Variants in RAB30 observed in about 807,000 individuals in gnomAD.
RAB30 encodes RAB30, member RAS oncogene family, also known as ras-related protein Rab-30.
Under a neutral mutation model 25.1 loss-of-function variants are expected in RAB30, and 9 were observed. That is an observed-to-expected ratio of 0.36 (90% CI 0.22 to 0.63). RAB30 has a LOEUF of 0.63. Among genes scored for constraint, RAB30 ranks in the 20% least tolerant of loss-of-function variants. The pLI is 0.69. For missense variants in RAB30, 140 were observed against 243.5 expected (o/e 0.58, Z 2.83); for synonymous variants, 77 against 86.4 (o/e 0.89, Z 0.60).
Position 83,065,093 on chromosome 11 carries a change from AT to A in RAB30, c.-9+6597del, listed in dbSNP as rs1001913073. Among the ~76,000 whole-genome samples, 20 of 149,794 alleles carry A rather than the reference AT, an allele frequency of 1.3e-4. No individual in the cohort carries two copies. The East Asian group carries it at 2.3e-3, about 18-fold the overall frequency. ...TGTCTGATTATTTATTTATGGTTAG[AT>A]TTTTTTTTTCTTTTAATAGAGACAA... On this transcript the variant is annotated intron_variant, in intron 1 of 4. Transcript: ENST00000527633.
At chr11:82,991,768 G>A (rs1197532485) in intron 3 of RAB30, among the ~76,000 whole-genome samples, 1 of 152,200 alleles carries the variant, frequency 6.6e-6, no homozygotes, top group African/African-American at 2.4e-5. Context: ...GCCTGAAGAA[G>A]TACTGGGGAT....
At chr11:83,013,822 C>T (rs1295641287) in intron 1 of RAB30, among the ~76,000 whole-genome samples, 2 of 152,108 alleles carry the variant, frequency 1.3e-5, no homozygotes, top group African/African-American at 2.4e-5. Flanking sequence ...CTACAATAAG[C>T]CAGATACTTA....
In RAB30 at chr11:82,979,024, C is replaced by T. The variant is rs1365183161; in HGVS notation, c.*3141G>A. 6.6e-6 allele frequency: 1 copy of T among 151,888 alleles called. No individual in the cohort carries two copies. The highest frequency in any genetic ancestry group is 1.5e-5 in the Non-Finnish European group (1 of 67,954). The allele number at this position is 151,888 out of a possible 1,614,324, so 9.4% of individuals were successfully genotyped here. ...GAACCCATGGCCTAATCTAAGTAAT[C>T]CATCAAAAAAGATAATTGGCCCTGT... On this transcript the variant is annotated 3_prime_UTR_variant, in exon 5 of 5. Transcript: ENST00000527633.
At chr11:83,033,467 A>T (rs182891923) in intron 1 of RAB30, among the ~76,000 whole-genome samples, 1 of 152,298 alleles carries the variant, frequency 6.6e-6, no homozygotes, top group East Asian at 1.9e-4. Flanking sequence ...TGACAGGTCA[A>T]ATTTAGGCCA....
At position 83,014,690 on chromosome 11, in the gene RAB30, GAAA is replaced by G. The variant is rs1565277241; in HGVS notation, c.-8-17369_-8-17367del. Among the ~76,000 whole-genome samples, 536 of 135,090 alleles carry G rather than the reference GAAA, an allele frequency of 4.0e-3. 5 individuals carry two copies. The highest frequency in any genetic ancestry group is 0.014 in the African/African-American group (509 of 35,180). The allele number at this position is 135,090 out of a possible 152,430, so 88.6% of individuals were successfully genotyped here. On this transcript the variant is annotated intron_variant, in intron 1 of 4. Transcript: ENST00000527633. Reference sequence around the variant, plus strand: ...AGAAAGAAAGAAAGAAAGAAAGAAAGAAAGAGAAAGGAAGGAAGGAAGGATGGA... The same window carrying G: ...AGAAAGAAAGAAAGAAAGAAAGAAAGGAGAAAGGAAGGAAGGAAGGATGGA...
Position 83,001,518 on chromosome 11 carries a change from T to C in RAB30, c.-8-4194A>G, listed in dbSNP as rs144921559. On this transcript the variant is annotated intron_variant, in intron 1 of 4. Coordinates refer to ENST00000527633, the MANE Select transcript of RAB30 (RefSeq NM_001286060.2). ...AAATGGACCTCTGGGTAAAAATTGG[T>C]CTTTAATAATGCAGGCTGTCTATGT... is the stretch of plus-strand genomic sequence containing the variant. Among the ~76,000 whole-genome samples, 617 of 152,264 alleles carry C rather than the reference T, an allele frequency of 4.1e-3. 6 individuals are homozygous for C. Among genetic ancestry groups the C allele is most frequent in the African/African-American group, 0.014 (583 of 41,552 alleles).
At chr11:83,024,890 A>G (rs915321624) in intron 1 of RAB30, among the ~76,000 whole-genome samples, 1 of 152,220 alleles carries the variant, frequency 6.6e-6, no homozygotes, top group African/African-American at 2.4e-5. Flanking sequence ...TTTGACTACT[A>G]GTTAATTCCC....
At chr11:83,008,649 G>A (rs191852124) in intron 1 of RAB30, among the ~76,000 whole-genome samples, 1 of 152,184 alleles carries the variant, frequency 6.6e-6, no homozygotes, top group East Asian at 1.9e-4. Context: ...AGAAGATAGG[G>A]TACAAATTTT....
At chr11:82,997,177 G>T in intron 2 of RAB30, 47 bp downstream of exon 2, 1 of 1,511,068 alleles carries the variant, frequency 6.6e-7, no homozygotes, top group Non-Finnish European at 9.2e-7. Flanking sequence ...AGGCTAGACT[G>T]ACAAACCCAA....
chr11:83,012,441 C>A (rs1352388775), intron 1 of RAB30, among the ~76,000 whole-genome samples: 1 of 152,198 alleles, frequency 6.6e-6, no homozygotes, highest in African/African-American at 2.4e-5. Flanking sequence ...TGGAGCCACA[C>A]TGCCTGAGTC....
At chr11:83,068,832 C>G (rs190956554) in intron 1 of RAB30, among the ~76,000 whole-genome samples, 1 of 152,274 alleles carries the variant, frequency 6.6e-6, no homozygotes, top group Admixed American at 6.5e-5. Flanking sequence ...TCCTGATAAC[C>G]CTAGACAAGG....
chr11:83,031,760 C>G (rs919914426), intron 1 of RAB30, among the ~76,000 whole-genome samples: 15 of 152,218 alleles, frequency 9.9e-5, no homozygotes, highest in Non-Finnish European at 1.6e-4. Flanking sequence ...CTCCCAACTT[C>G]AGGTGATCCG....
intron 1 of RAB30, among the ~76,000 whole-genome samples, chr11:83,024,481 G>C (rs368233116): frequency 1.6e-4 from 25 of 152,346 alleles, no homozygotes; most frequent in African/African-American, 5.8e-4. Context: ...CAGTTTTATG[G>C]AAGGCAATGT....
chr11:82,997,131 CT>C, intron 2 of RAB30, 92 bp downstream of exon 2: 2 of 1,015,474 alleles, frequency 2.0e-6, no homozygotes, highest in South Asian at 2.8e-5. Context: ...GGCATTGAAA[CT>C]GGTCATCCAT....
chr11:83,023,662 C>T (rs1451729391), intron 1 of RAB30, among the ~76,000 whole-genome samples: 1 of 152,188 alleles, frequency 6.6e-6, no homozygotes, highest in Admixed American at 6.5e-5. Context: ...GCTCATTGCT[C>T]TTCTACTGAA....
chr11:82,996,163 A>G (rs552659095), intron 2 of RAB30, among the ~76,000 whole-genome samples: 1 of 152,340 alleles, frequency 6.6e-6, no homozygotes, highest in African/African-American at 2.4e-5. Context: ...ATCATGGGAA[A>G]AACCCTGACA....
chr11:82,989,512 T>TATA (rs2121446096), intron 3 of RAB30, among the ~76,000 whole-genome samples: 1 of 152,312 alleles, frequency 6.6e-6, no homozygotes, highest in Non-Finnish European at 1.5e-5. Flanking sequence ...CAAAGGCTAT[T>TATA]TCTCTTCTCT....
At chr11:83,013,761 G>T (rs1282962335) in intron 1 of RAB30, among the ~76,000 whole-genome samples, 1 of 152,186 alleles carries the variant, frequency 6.6e-6, no homozygotes, top group African/African-American at 2.4e-5. Flanking sequence ...AATACTGCAG[G>T]AGATCCAGAC....
Position 82,980,877 on chromosome 11 carries a change from T to A in RAB30, c.*1288A>T, listed in dbSNP as rs1453326374. 6.7e-6 allele frequency: 1 copy of A among 150,064 alleles called. No homozygotes were observed. Among genetic ancestry groups the A allele is most frequent in the African/African-American group, 2.5e-5 (1 of 40,630 alleles). 9.3% of individuals were successfully genotyped at this position (150,064 alleles called of 1,614,324 possible). ...AGAAGAAAAGGAGAGACCAGAAAAA[T>A]AGAGAGGAAAAGAGAAAGAAAAAAG... On this transcript the variant is annotated 3_prime_UTR_variant, in exon 5 of 5. Coordinates refer to ENST00000527633, the MANE Select transcript of RAB30 (RefSeq NM_001286060.2).
Sources: allele counts gnomAD v4.1 joint callset (sites outside exome capture counted in the v4.1 genomes callset), GRCh38; gene constraint gnomAD v4.1.1; transcripts MANE v1.5; gene names NCBI Gene and HGNC (gene_info 2026-07-23, HGNC 2026-07-21).